The following MOCOS variants were observed in gnomAD, a reference collection of about 807,000 sequenced individuals.
MOCOS encodes the protein molybdenum cofactor sulfurase.
In MOCOS, 86 loss-of-function variants were observed where a neutral mutation model predicts 83.6. The ratio of observed to expected loss-of-function variants is 1.03; its 90% confidence interval spans 0.86 to 1.23. MOCOS has a LOEUF of 1.23. Among genes scored for constraint, MOCOS ranks in the 50% most tolerant of loss-of-function variants. The pLI is 0.00. For missense variants in MOCOS, 1,120 were observed against 1,126.9 expected (o/e 0.99, Z 0.09); for synonymous variants, 445 against 434.7 (o/e 1.02, Z -0.29).
chr18:36,204,996 C>CACAAA (rs775806758), intron 5 of MOCOS, 81 bp from the exon 6 acceptor site: 2 of 425,554 alleles, frequency 4.7e-6, no homozygotes, highest in Non-Finnish European at 3.7e-6. Context: ...GACCGTGTCT[C>CACAAA]AAAAAAAAAA....
intron 11 of MOCOS, among the ~76,000 whole-genome samples, chr18:36,252,569 T>C (rs776811597): frequency 6.6e-6 from 1 of 151,660 alleles, no homozygotes; most frequent in Non-Finnish European, 1.5e-5. Flanking sequence ...AAAAAAAATT[T>C]AAAAAATTGC....
Position 36,248,909 on chromosome 18 carries a change from C to A in MOCOS, c.1961-13C>A, listed in dbSNP as rs2091612162. 5 of 1,610,586 alleles carry A rather than the reference C, an allele frequency of 3.1e-6. No homozygotes were observed. Among genetic ancestry groups the A allele is most frequent in the African/African-American group, 2.7e-5 (2 of 74,904 alleles). On this transcript the variant is annotated splice_polypyrimidine_tract_variant and intron_variant, in intron 9 of 14. Transcript: ENST00000261326. Reference sequence around the variant, plus strand: ...ACATAATGATAAATTTGTTTTTAACCTTTGTTCATTAGGGATGGAGCCTAT... The same window carrying A: ...ACATAATGATAAATTTGTTTTTAACATTTGTTCATTAGGGATGGAGCCTAT...
At chr18:36,225,116 G>C (rs1423627425) in intron 9 of MOCOS, among the ~76,000 whole-genome samples, 1 of 151,876 alleles carries the variant, frequency 6.6e-6, no homozygotes, top group Non-Finnish European at 1.5e-5. Flanking sequence ...TTTCATTTCA[G>C]ATTTTGAGTT....
chr18:36,196,114 A>C (rs1477297524), intron 2 of MOCOS, among the ~76,000 whole-genome samples: 1 of 152,190 alleles, frequency 6.6e-6, no homozygotes, highest in Non-Finnish European at 1.5e-5. Flanking sequence ...GAGGGAGAAG[A>C]AGCCAGTGCA....
intron 9 of MOCOS, among the ~76,000 whole-genome samples, 163 bp downstream of exon 9, chr18:36,220,380 G>A (rs566712446): frequency 5.3e-5 from 8 of 151,902 alleles, no homozygotes; most frequent in East Asian, 1.9e-4. Context: ...GTGGGAGCAC[G>A]TGCCTGTAAT....
At position 36,268,640 on chromosome 18, in the gene MOCOS, T is replaced by A. The variant is rs757456599; in HGVS notation, c.2622T>A (p.Gly874=). The A allele has an allele frequency of 1.2e-5, 19 of 1,613,972 alleles. No homozygotes were observed. The Admixed American group carries it at 2.7e-4, about 23-fold the overall frequency. The part of the protein sequence containing the change: ...VLPVLKENVE[G]HDLPASEKHQ... ...CTGTGTTGAAAGAGAATGTGGAAGG[T>A]CATGATTTACCTGCATCTGAGAAAC... Residue 874 remains glycine (G), a synonymous_variant, in exon 15 of 15, where the codon GGT becomes GGA. Transcript: ENST00000261326.
Position 36,213,409 on chromosome 18 carries a change from G to A in MOCOS, c.1262G>A (p.Gly421Asp). 1 of 1,614,026 alleles carries A rather than the reference G, an allele frequency of 6.2e-7. No individual in the cohort carries two copies. Among genetic ancestry groups the A allele is most frequent in the Non-Finnish European group, 8.5e-7 (1 of 1,179,994 alleles). ...ASLYNIHLRT[G>D]CFCNTGACQR... Reference sequence around the variant, plus strand: ...CTTTACAACATCCACCTGCGAACTGGCTGCTTCTGTAACACTGGGGCCTGC... The same window carrying A: ...CTTTACAACATCCACCTGCGAACTGACTGCTTCTGTAACACTGGGGCCTGC... The change falls in exon 7 of 15, where the codon GGC becomes GAC. Residue 421 changes from glycine (G) to aspartate (D), a missense_variant. Gly to Asp is a moderately conservative substitution (Grantham distance 94, BLOSUM62 -1). Transcript: ENST00000261326.
Position 36,257,210 on chromosome 18 carries a change from G to A in MOCOS, c.2270+137G>A, listed in dbSNP as rs981095130. On this transcript the variant is annotated intron_variant, in intron 12 of 14. Transcript: ENST00000261326. The stretch of plus-strand genomic sequence containing the variant: ...GCTTCATGTACAGATGAGAAACTGA[G>A]GCCCTGAGAAGTAAGCAGGCCCTTT... 19 of 788,408 alleles carry A rather than the reference G, an allele frequency of 2.4e-5. No individual in the cohort carries two copies. In the African/African-American group the frequency reaches 3.0e-4, roughly 13 times the overall value. The allele number at this position is 788,408 out of a possible 1,614,324, so 48.8% of individuals were successfully genotyped here.
intron 4 of MOCOS, among the ~76,000 whole-genome samples, chr18:36,201,147 G>A (rs1048664762): frequency 3.3e-5 from 5 of 152,168 alleles, no homozygotes; most frequent in African/African-American, 7.2e-5. Flanking sequence ...TCCAGGGTCC[G>A]GAGAAGGCCT....
chr18:36,264,281 G>A (rs1353760042), intron 13 of MOCOS, among the ~76,000 whole-genome samples: 1 of 152,026 alleles, frequency 6.6e-6, no homozygotes, highest in Non-Finnish European at 1.5e-5. Context: ...TGAAGTGACA[G>A]GATTTTTACA....
intron 9 of MOCOS, among the ~76,000 whole-genome samples, chr18:36,240,996 G>A (rs563858933): frequency 3.3e-4 from 50 of 151,962 alleles, no homozygotes; most frequent in African/African-American, 8.9e-4. Context: ...TTCGGCTCGC[G>A]CACGGTGCGT....
intron 9 of MOCOS, among the ~76,000 whole-genome samples, chr18:36,222,860 AGAGT>A (rs980072597): frequency 2.0e-5 from 3 of 152,196 alleles, no homozygotes; most frequent in Non-Finnish European, 4.4e-5. Context: ...TCGGCCTCCC[AGAGT>A]GCTGGGATTA....
intron 7 of MOCOS, among the ~76,000 whole-genome samples, chr18:36,213,897 C>G (rs998201813): frequency 6.6e-6 from 1 of 150,544 alleles, no homozygotes; most frequent in African/African-American, 2.5e-5. Context: ...CCATTGCACT[C>G]CAGTGCCTGG....
intron 10 of MOCOS, among the ~76,000 whole-genome samples, chr18:36,249,971 T>C (rs890570784): frequency 1.3e-5 from 2 of 152,164 alleles, no homozygotes; most frequent in African/African-American, 4.8e-5. Flanking sequence ...TGTAATAGCA[T>C]TGCTATTTTG....
intron 13 of MOCOS, among the ~76,000 whole-genome samples, chr18:36,265,772 T>G (rs1317816192): frequency 6.6e-6 from 1 of 152,068 alleles, no homozygotes; most frequent in Non-Finnish European, 1.5e-5. Context: ...CATACAGATA[T>G]GTATATTAAA....
In MOCOS at chr18:36,199,845, C is replaced by A. The variant is rs373748036; in HGVS notation, c.462C>A (p.Ser154=). 4.6e-5 allele frequency: 74 copies of A among 1,614,038 alleles called. No homozygotes were observed. The highest frequency in any genetic ancestry group is 6.0e-5 in the Non-Finnish European group (71 of 1,180,042). The part of the protein sequence containing the change: ...RFCYLTDSHT[S]VVGMRNVTMA... ...GTTACCTCACCGACAGCCACACCTCCGTAGTGGGTATGCGGAACGTGACCA... is the reference window on the plus strand; with the variant it reads ...GTTACCTCACCGACAGCCACACCTCAGTAGTGGGTATGCGGAACGTGACCA... Residue 154 remains serine (S), a synonymous_variant, in exon 4 of 15, where the codon TCC becomes TCA. Transcript: ENST00000261326.
chr18:36,198,243 G>A (rs142347820), intron 2 of MOCOS, among the ~76,000 whole-genome samples: 1 of 152,130 alleles, frequency 6.6e-6, no homozygotes, highest in African/African-American at 2.4e-5. Flanking sequence ...ATTTTAAAAA[G>A]TTAGCCAGGT....
At chr18:36,218,895 G>A (rs1462286136) in intron 8 of MOCOS, among the ~76,000 whole-genome samples, 1 of 147,666 alleles carries the variant, frequency 6.8e-6, no homozygotes, top group Non-Finnish European at 1.5e-5. Context: ...TTGAGATGAA[G>A]TCTCGCTCTG....
intron 5 of MOCOS, among the ~76,000 whole-genome samples, chr18:36,204,370 C>A (rs1349670276): frequency 6.6e-6 from 1 of 152,148 alleles, no homozygotes; most frequent in Non-Finnish European, 1.5e-5. Context: ...TTCCAAGATT[C>A]ATTCATGTTG....
Sources: gnomAD v4.1 joint callset for allele counts (sites outside exome capture counted in the v4.1 genomes callset) on GRCh38, gnomAD v4.1.1 for gene constraint, MANE v1.5 for transcripts, NCBI Gene and HGNC (gene_info 2026-07-23, HGNC 2026-07-21) for gene names.